The following PTPRD variants were observed in gnomAD, a reference collection of about 807,000 sequenced individuals.
PTPRD encodes the protein receptor-type tyrosine-protein phosphatase delta.
Under a neutral mutation model 214.5 loss-of-function variants are expected in PTPRD, and 34 were observed. That is an observed-to-expected ratio of 0.16 (90% confidence interval 0.12 to 0.21). The LOEUF (loss-of-function observed/expected upper bound fraction) is 0.21. Ranked by LOEUF, PTPRD falls within the 10% of genes least tolerant of loss-of-function variation. PTPRD has a pLI of 1.00. For missense variants in PTPRD, 2,545 were observed against 2,398.7 expected (o/e 1.06, Z -1.27); for synonymous variants, 1,128 against 845.7 (o/e 1.33, Z -5.79).
At chr9:8,877,756 T>C (rs1018331406) in intron 11 of PTPRD, among the ~76,000 whole-genome samples, 1 of 152,208 alleles carries the variant, frequency 6.6e-6, no homozygotes, top group East Asian at 1.9e-4. Context: ...GACAGGCCAA[T>C]AGACAAAGTT....
chr9:9,866,505 G>A (rs375555770), intron 5 of PTPRD, among the ~76,000 whole-genome samples: 22 of 151,976 alleles, frequency 1.4e-4, no homozygotes, highest in East Asian at 5.8e-4. Flanking sequence ...AGGCTCTTTT[G>A]GTGCCATTTA....
At chr9:10,225,027 G>C (rs7860123) in intron 3 of PTPRD, among the ~76,000 whole-genome samples, 59,908 of 151,756 alleles carry the variant, frequency 0.39, 13,343 homozygotes, top group Non-Finnish European at 0.49. Flanking sequence ...GGAGCCAAAA[G>C]TTATACATAG....
At chr9:10,603,949 T>A (rs571461342) in intron 2 of PTPRD, among the ~76,000 whole-genome samples, 1 of 151,890 alleles carries the variant, frequency 6.6e-6, no homozygotes, top group Non-Finnish European at 1.5e-5. Context: ...GTAAGAGAAA[T>A]GCACAATACA....
At chr9:10,444,877 T>C (rs948724813) in intron 2 of PTPRD, among the ~76,000 whole-genome samples, 1 of 151,950 alleles carries the variant, frequency 6.6e-6, no homozygotes, top group Non-Finnish European at 1.5e-5. Context: ...GCATTACATG[T>C]CAACAATTAG....
At chr9:10,306,648 T>A (rs1320661980) in intron 3 of PTPRD, among the ~76,000 whole-genome samples, 2 of 152,128 alleles carry the variant, frequency 1.3e-5, no homozygotes, top group Non-Finnish European at 2.9e-5. Context: ...AGCCTTTAAT[T>A]GCCCAGTTTT....
At chr9:8,504,465 C>A (rs2097494263) in intron 22 of PTPRD, 60 bp from the exon 23 acceptor site, 20 of 1,574,792 alleles carry the variant, frequency 1.3e-5, no homozygotes, top group Non-Finnish European at 1.7e-5. Context: ...ACTTTTTAAT[C>A]ATACTGTCTG....
chr9:8,885,710 T>C (rs1354650077), intron 11 of PTPRD, among the ~76,000 whole-genome samples: 1 of 152,012 alleles, frequency 6.6e-6, no homozygotes, highest in Non-Finnish European at 1.5e-5. Context: ...TTGGCCAGGC[T>C]GGTCTTGAAC....
At chr9:9,019,296 G>GAAAGAAAGAAAGAAAGAAAGAAAGA (rs2099550928) in intron 10 of PTPRD, among the ~76,000 whole-genome samples, 1 of 45,874 alleles carries the variant, frequency 2.2e-5, no homozygotes, top group African/African-American at 7.9e-5. Flanking sequence ...AAGAAAGAAA[G>GAAAGAAAGAAAGAAAGAAAGAAAGA]AAAGAAAGAA....
Position 10,314,329 on chromosome 9 carries a change from G to A in PTPRD, c.-545+26634C>T, listed in dbSNP as rs147624847. ...GAAATTTCCAAATATTTTAGAAACA[G>A]AATCAAAGGATTTGTCACTTTTTTA... On this transcript the variant is annotated intron_variant, in intron 3 of 45. Coordinates refer to ENST00000381196, the MANE Select transcript of PTPRD (RefSeq NM_002839.4). Among the ~76,000 whole-genome samples the A allele has an allele frequency of 2.2e-3, 328 of 152,000 alleles. 1 individual carries two copies. Among genetic ancestry groups the A allele is most frequent in the African/African-American group, 7.5e-3 (311 of 41,528 alleles).
rs772342632 is a variant in PTPRD at position 8,798,397 on chromosome 9, C to T, written c.-103-64451G>A. 5.3e-5 allele frequency among the ~76,000 whole-genome samples: 8 copies of T among 152,144 alleles called. No individual in the cohort carries two copies. In the South Asian group the frequency reaches 1.0e-3, roughly 20 times the overall value. ...GAATGCAGATAATACTGCTTTCAAA[C>T]GGATTAGAGAATGGAAAACCAAACA... On this transcript the variant is annotated intron_variant, in intron 11 of 45. Coordinates refer to ENST00000381196, the MANE Select transcript of PTPRD (RefSeq NM_002839.4).
intron 8 of PTPRD, among the ~76,000 whole-genome samples, chr9:9,438,892 A>G (rs1272959559): frequency 6.6e-6 from 1 of 152,170 alleles, no homozygotes; most frequent in African/African-American, 2.4e-5. Context: ...TTTTCTATGT[A>G]TCAAATATAA....
chr9:8,917,632 CTTG>C (rs1359933719), intron 11 of PTPRD, among the ~76,000 whole-genome samples: 1 of 152,116 alleles, frequency 6.6e-6, no homozygotes, highest in Non-Finnish European at 1.5e-5. Flanking sequence ...CTGGAGAACT[CTTG>C]TTGTCCTCTG....
intron 3 of PTPRD, among the ~76,000 whole-genome samples, chr9:10,206,312 G>T (rs59640892): frequency 6.6e-6 from 1 of 151,858 alleles, no homozygotes; most frequent in South Asian, 2.1e-4. Context: ...AAGGGTTAGT[G>T]CCATATCTCA....
At chr9:8,354,624 T>C (rs1349667333) in intron 39 of PTPRD, among the ~76,000 whole-genome samples, 1 of 152,214 alleles carries the variant, frequency 6.6e-6, no homozygotes, top group African/African-American at 2.4e-5. Context: ...AAGGTTTTCC[T>C]GTTTGTTGGT....
chr9:10,024,526 T>C (rs1567155411), intron 4 of PTPRD, among the ~76,000 whole-genome samples: 2 of 152,176 alleles, frequency 1.3e-5, no homozygotes, highest in Non-Finnish European at 2.9e-5. Context: ...TGTAGTCATG[T>C]CCTAATTCAC....
At chr9:10,066,684 C>T (rs1012210756) in intron 3 of PTPRD, among the ~76,000 whole-genome samples, 13 of 151,810 alleles carry the variant, frequency 8.6e-5, no homozygotes, top group Non-Finnish European at 1.2e-4. Context: ...AGGACCAAAA[C>T]GATGCTAGAT....
chr9:8,613,939 C>A (rs2095529944), intron 14 of PTPRD, among the ~76,000 whole-genome samples: 1 of 151,640 alleles, frequency 6.6e-6, no homozygotes, highest in Non-Finnish European at 1.5e-5. Context: ...AAGAGTATCG[C>A]TATTCTTGCA....
chr9:8,996,702 C>A (rs1394684734), intron 11 of PTPRD, among the ~76,000 whole-genome samples: 2 of 152,030 alleles, frequency 1.3e-5, no homozygotes, highest in Admixed American at 1.3e-4. Flanking sequence ...AAGGGGTAAA[C>A]AAGCTCCTTC....
At chr9:9,465,870 C>T (rs551855796) in intron 8 of PTPRD, among the ~76,000 whole-genome samples, 18 of 152,050 alleles carry the variant, frequency 1.2e-4, no homozygotes, top group African/African-American at 4.1e-4. Context: ...TGTGCTGGAT[C>T]TTGGTGGGTT....
Sources: gnomAD v4.1 joint callset for allele counts (sites outside exome capture counted in the v4.1 genomes callset) on GRCh38, gnomAD v4.1.1 for gene constraint, MANE v1.5 for transcripts, NCBI Gene and HGNC (gene_info 2026-07-23, HGNC 2026-07-21) for gene names.